Variants in CEP128 observed in about 807,000 individuals in gnomAD.
CEP128 encodes centrosomal protein 128kDa.
Under a neutral mutation model 156.7 loss-of-function variants are expected in CEP128, and 132 were observed. The observed-to-expected ratio is 0.84, with a 90% CI of 0.73 to 0.97. The LOEUF (loss-of-function observed/expected upper bound fraction) is 0.97. Ranked by LOEUF, CEP128 falls within the 50% of genes least tolerant of loss-of-function variation. The pLI, the probability that CEP128 is intolerant of heterozygous loss-of-function variation, is 0.00. For missense variants in CEP128, 1,252 were observed against 1,281.9 expected (o/e 0.98, Z 0.36); for synonymous variants, 469 against 448.9 (o/e 1.04, Z -0.57).
chr14:80,593,606 T>C (rs1028520392), intron 19 of CEP128, among the ~76,000 whole-genome samples: 204 of 149,322 alleles, frequency 1.4e-3, no homozygotes, highest in African/African-American at 4.9e-3. Flanking sequence ...CTTAAGCTGA[T>C]AAGCAACTTC....
intron 18 of CEP128, among the ~76,000 whole-genome samples, chr14:80,756,531 GCTGT>G (rs1270777274): frequency 6.6e-6 from 1 of 152,124 alleles, no homozygotes; most frequent in Non-Finnish European, 1.5e-5. Context: ...TTTTCCAGAA[GCTGT>G]CTATGACATG....
intron 2 of CEP128, among the ~76,000 whole-genome samples, chr14:80,934,185 A>C (rs1324009766): frequency 1.3e-5 from 2 of 152,196 alleles, no homozygotes; most frequent in African/African-American, 4.8e-5. Context: ...AATAAGTTAC[A>C]CAAATAATGG....
chr14:80,511,079 T>G (rs1888230033), intron 23 of CEP128, among the ~76,000 whole-genome samples: 1 of 150,914 alleles, frequency 6.6e-6, no homozygotes, highest in South Asian at 2.1e-4. Flanking sequence ...TTTTTTTTTA[T>G]ATGTCTTCTT....
At chr14:80,908,595 A>G (rs1282998470) in intron 4 of CEP128, among the ~76,000 whole-genome samples, 1 of 152,172 alleles carries the variant, frequency 6.6e-6, no homozygotes, top group African/African-American at 2.4e-5. Context: ...TTTCTTGAAC[A>G]TGTTATTCAT....
chr14:80,770,833 A>C (rs893371220), intron 16 of CEP128, among the ~76,000 whole-genome samples: 4 of 152,226 alleles, frequency 2.6e-5, no homozygotes, highest in African/African-American at 9.6e-5. Context: ...TGTAAACATT[A>C]AAGTAAATGC....
intron 5 of CEP128, 143 bp from the exon 6 acceptor site, chr14:80,905,074 A>G (rs749707789): frequency 1.6e-5 from 9 of 574,058 alleles, no homozygotes; most frequent in Non-Finnish European, 2.5e-5. Flanking sequence ...GTATCTTGCT[A>G]TGGCCATAAA....
At chr14:80,901,919 C>T (rs138038492) in intron 6 of CEP128, among the ~76,000 whole-genome samples, 6 of 152,312 alleles carry the variant, frequency 3.9e-5, no homozygotes, top group Admixed American at 1.3e-4. Context: ...AGCCCTGTTA[C>T]ACGGCTCTAC....
At chr14:80,571,136 T>C (rs968737915) in intron 20 of CEP128, among the ~76,000 whole-genome samples, 1 of 152,188 alleles carries the variant, frequency 6.6e-6, no homozygotes, top group South Asian at 2.1e-4. Flanking sequence ...CTTAATTAGC[T>C]GTAATATTGT....
At chr14:80,594,593 A>T (rs1892231845) in intron 19 of CEP128, among the ~76,000 whole-genome samples, 1 of 152,232 alleles carries the variant, frequency 6.6e-6, no homozygotes, top group Non-Finnish European at 1.5e-5. Context: ...GCTAGTATCC[A>T]GAATCTACAA....
At chr14:80,683,911 C>G (rs925461197) in intron 19 of CEP128, among the ~76,000 whole-genome samples, 2 of 151,912 alleles carry the variant, frequency 1.3e-5, no homozygotes, top group African/African-American at 4.8e-5. Flanking sequence ...AAAACAGAGA[C>G]ACAACATACC....
intron 17 of CEP128, among the ~76,000 whole-genome samples, chr14:80,760,680 G>C (rs1351972738): frequency 6.6e-6 from 1 of 152,018 alleles, no homozygotes; most frequent in Non-Finnish European, 1.5e-5. Flanking sequence ...AATGTTCTCT[G>C]TATGTAAAAT....
intron 14 of CEP128, among the ~76,000 whole-genome samples, chr14:80,790,127 G>C (rs958997832): frequency 6.6e-6 from 1 of 151,880 alleles, no homozygotes; most frequent in African/African-American, 2.4e-5. Flanking sequence ...AGAAGGAATA[G>C]ATGGTAATTT....
At chr14:80,670,042 G>A (rs1309333986) in intron 19 of CEP128, among the ~76,000 whole-genome samples, 1 of 151,994 alleles carries the variant, frequency 6.6e-6, no homozygotes, top group African/African-American at 2.4e-5. Flanking sequence ...GAGGGGAGAT[G>A]CCACATATTT....
intron 15 of CEP128, among the ~76,000 whole-genome samples, chr14:80,778,683 T>C (rs1430984738): frequency 1.3e-5 from 2 of 152,210 alleles, no homozygotes; most frequent in Admixed American, 6.5e-5. Context: ...ACAATATCTA[T>C]TTATTGATCT....
chr14:80,482,440 A>C (rs1256536716), intron 14 of CEP128, among the ~76,000 whole-genome samples: 1 of 152,226 alleles, frequency 6.6e-6, no homozygotes, highest in East Asian at 1.9e-4. Flanking sequence ...AGTAACATGA[A>C]GTCCAAAGGC....
intron 21 of CEP128, among the ~76,000 whole-genome samples, chr14:80,549,958 G>A (rs1231526585): frequency 6.6e-6 from 1 of 152,204 alleles, no homozygotes. Flanking sequence ...TTTCCATAGA[G>A]ACACATGGGC....
In CEP128 at chr14:80,634,053, G is replaced by C. The variant is rs373215800; in HGVS notation, c.2807-53630C>G. On this transcript the variant is annotated intron_variant, in intron 19 of 24. Transcript: ENST00000555265. ...CACGACTGGAAAGCCATATATGAAG[G>C]AGATGAGGCTAGAAATTTGGGTCAC... Among the ~76,000 whole-genome samples, 16 of 152,254 alleles carry C rather than the reference G, an allele frequency of 1.1e-4. No individual in the cohort carries two copies. In the East Asian group the frequency reaches 3.1e-3, roughly 29 times the overall value.
intron 19 of CEP128, among the ~76,000 whole-genome samples, chr14:80,670,451 A>G (rs1249222337): frequency 1.3e-5 from 2 of 152,174 alleles, no homozygotes; most frequent in Non-Finnish European, 2.9e-5. Flanking sequence ...ACTCTGCCAT[A>G]AAGAAAAATG....
In CEP128 at chr14:80,877,318, C is replaced by G. The variant is rs748987478; in HGVS notation, c.646-14445G>C. 5.3e-5 allele frequency among the ~76,000 whole-genome samples: 8 copies of G among 151,948 alleles called. No individual in the cohort carries two copies. In the South Asian group the frequency reaches 1.7e-3, roughly 32 times the overall value. On this transcript the variant is annotated intron_variant, in intron 8 of 24. Transcript: ENST00000555265. ...GATGGTAGATTTAAATAAATGAAAT[C>G]AACATTTACATTAAATGTAATACAG...
Sources: allele counts gnomAD v4.1 joint callset (sites outside exome capture counted in the v4.1 genomes callset), GRCh38; gene constraint gnomAD v4.1.1; transcripts MANE v1.5; gene names NCBI Gene and HGNC (gene_info 2026-07-23, HGNC 2026-07-21).